MYOCD: variants seen among roughly 807,000 people sequenced by gnomAD.
The protein encoded by MYOCD is myocardin.
Under a neutral mutation model 96.1 loss-of-function variants are expected in MYOCD, and 32 were observed. The observed-to-expected ratio is 0.33, with a 90% CI of 0.25 to 0.45. The LOEUF (loss-of-function observed/expected upper bound fraction) is 0.45. MYOCD is among the 20% of genes least tolerant of loss of function. The pLI is 1.00. For synonymous variants in MYOCD, 469 were observed against 469.0 expected, an observed-to-expected ratio of 1.00 and a Z score of 0.00; for missense variants, 1,133 against 1,200.6, an observed-to-expected ratio of 0.94 and a Z score of 0.83.
At chr17:12,754,254 A>G (rs1010320728) in intron 10 of MYOCD, among the ~76,000 whole-genome samples, 1 of 152,058 alleles carries the variant, frequency 6.6e-6, no homozygotes, top group East Asian at 1.9e-4. Flanking sequence ...ACAGGCGCAC[A>G]CCACCATGCC....
At position 12,705,208 on chromosome 17, in the gene MYOCD, C is replaced by T; in HGVS notation, c.121+15C>T. 6.3e-7 allele frequency: 1 copy of T among 1,589,586 alleles called. No homozygotes were observed. The highest frequency in any genetic ancestry group is 8.6e-7 in the Non-Finnish European group (1 of 1,158,030). On this transcript the variant is annotated intron_variant, in intron 2 of 13. Transcript: ENST00000425538. ...CATAATACCACGTGAGTACCTGCAT[C>T]TCTTAATTACTGATATACATAGGGC...
intron 1 of MYOCD, among the ~76,000 whole-genome samples, chr17:12,700,573 C>T (rs2031021287): frequency 2.0e-5 from 3 of 151,344 alleles, no homozygotes; most frequent in Admixed American, 2.0e-4. Flanking sequence ...CCCACCACAC[C>T]CAGCTAATTT....
At chr17:12,755,851 G>A (rs551700824) in intron 10 of MYOCD, among the ~76,000 whole-genome samples, 5 of 152,296 alleles carry the variant, frequency 3.3e-5, no homozygotes, top group African/African-American at 7.2e-5. Flanking sequence ...CAGCCCGGGC[G>A]ACAGAGTGAG....
intron 5 of MYOCD, among the ~76,000 whole-genome samples, chr17:12,734,878 C>T (rs943569090): frequency 3.6e-5 from 5 of 138,752 alleles, no homozygotes; most frequent in African/African-American, 7.6e-5. Context: ...CATGGTAAAG[C>T]GATAATGACT....
chr17:12,756,376 G>A, intron 10 of MYOCD, 38 bp from the exon 11 acceptor site: 1 of 1,551,540 alleles, frequency 6.4e-7, no homozygotes, highest in Non-Finnish European at 8.7e-7. Flanking sequence ...CAAGTAAGCT[G>A]CTGCTGGCCA....
At chr17:12,740,070 G>A (rs2032462200) in intron 7 of MYOCD, among the ~76,000 whole-genome samples, 1 of 152,070 alleles carries the variant, frequency 6.6e-6, no homozygotes, top group African/African-American at 2.4e-5. Context: ...CGAGTATCTG[G>A]GACTACAGGC....
Position 12,768,898 on chromosome 17 carries a change from A to ATTTT in MYOCD, c.*5254_*5255insTTTT, listed in dbSNP as rs1346143141. 5 of 151,544 alleles carry ATTTT rather than the reference A, an allele frequency of 3.3e-5. No homozygotes were observed. Among genetic ancestry groups the ATTTT allele is most frequent in the African/African-American group, 1.2e-4 (5 of 41,130 alleles). The allele number at this position is 151,544 out of a possible 1,614,324, so 9.4% of individuals were successfully genotyped here. On this transcript the variant is annotated 3_prime_UTR_variant, in exon 14 of 14. Coordinates refer to ENST00000425538, the MANE Select transcript of MYOCD (RefSeq NM_001146312.3). ...AAGTTGGCATGTGTTCTTTTTTAAA[A>ATTTT]AAAAAAAAAAATGCATATATTTTTA...
chr17:12,738,456 CACAA>C (rs1190401171), intron 6 of MYOCD, among the ~76,000 whole-genome samples: 8 of 152,200 alleles, frequency 5.3e-5, no homozygotes, highest in East Asian at 1.9e-4. Flanking sequence ...CGCACGCACA[CACAA>C]ACACACACAC....
chr17:12,678,275 G>C (rs1161666902), intron 1 of MYOCD, among the ~76,000 whole-genome samples: 1 of 151,140 alleles, frequency 6.6e-6, no homozygotes, highest in Non-Finnish European at 1.5e-5. Context: ...ATTTTGCAAA[G>C]TGTTTTATAT....
Position 12,745,919 on chromosome 17 carries a change from GGAACCAAAT to G in MYOCD, c.977_985del (p.Pro326_Glu328del), listed in dbSNP as rs750368336. 16 of 1,612,538 alleles carry G rather than the reference GGAACCAAAT, an allele frequency of 9.9e-6. No homozygotes were observed. In the Middle Eastern group the frequency reaches 4.9e-4, roughly 50 times the overall value. On this transcript the variant is annotated inframe_deletion and splice_region_variant, in exon 9 of 14. Transcript: ENST00000425538. ...AAATGCCTCTTTGTTTGTTTTTTAG[GGAACCAAAT>G]GAACAGATGGTCAGAAATCCAAACT...
chr17:12,746,547 T>C (rs2032668771), intron 9 of MYOCD, among the ~76,000 whole-genome samples: 2 of 152,084 alleles, frequency 1.3e-5, no homozygotes, highest in South Asian at 2.1e-4. Flanking sequence ...AGGAGATGCT[T>C]TAGCCAAAGA....
At chr17:12,739,065 A>T in intron 6 of MYOCD, 138 bp from the exon 7 acceptor site, 8 of 932,380 alleles carry the variant, frequency 8.6e-6, no homozygotes, top group Non-Finnish European at 1.1e-5. Flanking sequence ...GACTCCTCCC[A>T]CTGAGGGAGT....
At chr17:12,715,396 TG>T in intron 2 of MYOCD, 122 bp from the exon 3 acceptor site, 1 of 660,900 alleles carries the variant, frequency 1.5e-6, no homozygotes. Flanking sequence ...TCATTGCTTG[TG>T]GCCTAATAAA....
Position 12,719,855 on chromosome 17 carries a change from G to C in MYOCD, c.253+2434G>C, listed in dbSNP as rs1209399374. ...GCACTCCAGCCTGGGTGACAAGAGC[G>C]AGACTCAGTCTCAAAAAAAAAAAAA... On this transcript the variant is annotated intron_variant, in intron 4 of 13. Coordinates refer to ENST00000425538, the MANE Select transcript of MYOCD (RefSeq NM_001146312.3). Among the ~76,000 whole-genome samples the C allele has an allele frequency of 2.3e-5, 3 of 129,424 alleles. No homozygotes were observed. In the South Asian group the frequency reaches 7.5e-4, roughly 32 times the overall value. 84.9% of individuals were successfully genotyped at this position (129,424 alleles called of 152,430 possible). A position where few individuals can be genotyped will look rare whatever the true frequency, so the allele number is the denominator to read the frequency against.
intron 1 of MYOCD, among the ~76,000 whole-genome samples, chr17:12,684,112 C>G (rs2029959770): frequency 6.6e-6 from 1 of 152,196 alleles, no homozygotes; most frequent in African/African-American, 2.4e-5. Context: ...TTCTCTCTCT[C>G]TCTCTCCATT....
At chr17:12,699,383 C>T (rs960981260) in intron 1 of MYOCD, among the ~76,000 whole-genome samples, 1 of 152,214 alleles carries the variant, frequency 6.6e-6, no homozygotes, top group Non-Finnish European at 1.5e-5. Flanking sequence ...CTTGGCCTCT[C>T]AAAGTGCTGG....
chr17:12,701,655 A>G lies in MYOCD; in HGVS notation c.56-3473A>G, dbSNP rs56408120. On this transcript the variant is annotated intron_variant, in intron 1 of 13. Coordinates refer to ENST00000425538, the MANE Select transcript of MYOCD (RefSeq NM_001146312.3). ...GATTTAATGTTTCTCTTTTTCTAAT[A>G]TAAGTATTTAAAACTCTAAGTTTCC... Among the ~76,000 whole-genome samples, 1,101 of 152,244 alleles carry G rather than the reference A, an allele frequency of 7.2e-3. 6 individuals carry two copies. Among genetic ancestry groups the G allele is most frequent in the Non-Finnish European group, 0.012 (824 of 67,996 alleles).
intron 12 of MYOCD, 135 bp downstream of exon 12, chr17:12,758,348 A>G: frequency 7.8e-7 from 1 of 1,284,724 alleles, no homozygotes; most frequent in South Asian, 1.4e-5. Flanking sequence ...AAAATAAGCA[A>G]ATTATCTAGA....
chr17:12,699,240 T>C (rs1428733743), intron 1 of MYOCD, among the ~76,000 whole-genome samples: 1 of 152,200 alleles, frequency 6.6e-6, no homozygotes, highest in Non-Finnish European at 1.5e-5. Flanking sequence ...TTCTCATGCC[T>C]CAGCCTCCCC....
Sources: gnomAD v4.1 joint callset for allele counts (sites outside exome capture counted in the v4.1 genomes callset) on GRCh38, gnomAD v4.1.1 for gene constraint, MANE v1.5 for transcripts, NCBI Gene and HGNC (gene_info 2026-07-23, HGNC 2026-07-21) for gene names.